PCDH15: variants seen among roughly 807,000 people sequenced by gnomAD.
PCDH15 encodes protocadherin related 15.
A neutral mutation model predicts 178.5 loss-of-function variants in PCDH15; 129 were observed. The observed-to-expected ratio is 0.72, with a 90% CI of 0.63 to 0.84. PCDH15 has a LOEUF of 0.84. PCDH15 is among the 40% of genes least tolerant of loss of function. The pLI is 0.00. For synonymous variants in PCDH15, 800 were observed against 732.0 expected, an observed-to-expected ratio of 1.09 and a Z score of -1.50; for missense variants, 2,230 against 2,099.9, an observed-to-expected ratio of 1.06 and a Z score of -1.21.
At position 55,464,646 on chromosome 10, in the gene PCDH15, ATATATATATG is replaced by A. The variant is rs754765635; in HGVS notation, c.-156+162969_-156+162978del. ...AGTAAATATATATATATATATATAT[ATATATATATG>A]TGTGTGTGTGTGTATATATATACAT... On this transcript the variant is annotated intron_variant, in intron 2 of 5. Coordinates refer to the PCDH15 transcript ENST00000613346. Among the ~76,000 whole-genome samples the A allele has an allele frequency of 8.0e-3, 105 of 13,190 alleles. 1 individual carries two copies. In the African/African-American group the frequency reaches 0.16, roughly 20 times the overall value. The allele number at this position is 13,190 out of a possible 152,430, so 8.7% of individuals were successfully genotyped here.
intron 2 of PCDH15, among the ~76,000 whole-genome samples, chr10:55,607,341 G>T (rs1324219514): frequency 6.7e-6 from 1 of 149,376 alleles, no homozygotes; most frequent in Non-Finnish European, 1.5e-5. Flanking sequence ...TCAGTGTGGC[G>T]ATTCCTCAGG....
intron 2 of PCDH15, among the ~76,000 whole-genome samples, chr10:55,598,551 T>TATAGATAGATAGATAG (rs1554803034): frequency 2.9e-4 from 19 of 64,912 alleles, no homozygotes; most frequent in African/African-American, 1.4e-3. Flanking sequence ...TATATATATA[T>TATAGATAGATAGATAG]ATATATATAT....
intron 2 of PCDH15, among the ~76,000 whole-genome samples, chr10:55,534,147 C>T (rs1161422287): frequency 3.3e-5 from 5 of 151,904 alleles, no homozygotes; most frequent in Non-Finnish European, 5.9e-5. Flanking sequence ...TAGGAAATAC[C>T]CTTCTCAACA....
At chr10:54,978,097 T>C (rs1007020137) in intron 2 of PCDH15, among the ~76,000 whole-genome samples, 3 of 152,174 alleles carry the variant, frequency 2.0e-5, no homozygotes, top group African/African-American at 4.8e-5. Flanking sequence ...TATGAATGTA[T>C]ATTGATGACA....
chr10:54,347,309 A>G (rs1462783272), intron 5 of PCDH15, among the ~76,000 whole-genome samples: 1 of 152,110 alleles, frequency 6.6e-6, no homozygotes, highest in East Asian at 1.9e-4. Flanking sequence ...TTAATTAGAT[A>G]TCAGCTTCTC....
At position 54,167,344 on chromosome 10, in the gene PCDH15, T is replaced by C. The variant is rs2046336760; in HGVS notation, c.1591-14051A>G. ...CCCTCAACCACTTTCTCCTTTCCAC[T>C]CTTCAATCTCTCCCTTCTCTTAATT... is the stretch of plus-strand genomic sequence containing the variant. On this transcript the variant is annotated intron_variant, in intron 13 of 37. Transcript: ENST00000644397. 4.6e-5 allele frequency among the ~76,000 whole-genome samples: 7 copies of C among 152,036 alleles called. No homozygotes were observed. In the South Asian group the frequency reaches 1.5e-3, roughly 32 times the overall value.
At chr10:53,906,910 T>G (rs1289215760) in intron 25 of PCDH15, 1 of 152,032 alleles carries the variant, frequency 6.6e-6, no homozygotes, top group Non-Finnish European at 1.5e-5. Flanking sequence ...TGCTTGCTCC[T>G]TGTCTCGGGA....
rs74136330 is a variant in PCDH15, at chr10:55,037,619, C to G, written c.-80+128957G>C. Among the ~76,000 whole-genome samples, 789 of 152,194 alleles carry G rather than the reference C, an allele frequency of 5.2e-3. 3 individuals carry two copies. The highest frequency in any genetic ancestry group is 0.018 in the African/African-American group (758 of 41,514). On this transcript the variant is annotated intron_variant, in intron 2 of 5. Transcript: ENST00000458638. ...CATATAGCTATTTGACATCATGGAT[C>G]TGAAATTAAGGACAACTAGCTGAAG...
At chr10:54,261,523 A>C (rs4935106) in intron 8 of PCDH15, among the ~76,000 whole-genome samples, 104,211 of 151,928 alleles carry the variant, frequency 0.69, 36,717 homozygotes, top group Middle Eastern at 0.76. Context: ...GTTCATTAGA[A>C]TTTTTGGGTG....
At chr10:54,896,623 T>C (rs978899760) in intron 3 of PCDH15, among the ~76,000 whole-genome samples, 1 of 152,152 alleles carries the variant, frequency 6.6e-6, no homozygotes, top group African/African-American at 2.4e-5. Context: ...CCTTAAGTTT[T>C]CCTAAAATCC....
intron 1 of PCDH15, among the ~76,000 whole-genome samples, chr10:54,720,198 A>G (rs1941347543): frequency 6.6e-6 from 1 of 152,124 alleles, no homozygotes; most frequent in African/African-American, 2.4e-5. Flanking sequence ...TACTGGGTAT[A>G]TACCCAAAGG....
chr10:55,273,553 G>A lies in PCDH15; in HGVS notation c.-156+46046C>T, dbSNP rs1035905207. Among the ~76,000 whole-genome samples the A allele has an allele frequency of 3.9e-5, 6 of 152,068 alleles. No homozygotes were observed. In the South Asian group the frequency reaches 8.3e-4, roughly 21 times the overall value. ...GGTGGGTTGGTGGGCAAGGGGGTGTGTGTGACTGATGTATGTTAACATTTC... is the reference window on the plus strand; with the variant it reads ...GGTGGGTTGGTGGGCAAGGGGGTGTATGTGACTGATGTATGTTAACATTTC... On this transcript the variant is annotated intron_variant, in intron 1 of 5. Transcript: ENST00000458638.
intron 3 of PCDH15, among the ~76,000 whole-genome samples, chr10:54,431,755 G>T (rs181362106): frequency 2.8e-4 from 43 of 152,210 alleles, no homozygotes; most frequent in African/African-American, 9.4e-4. Context: ...GTCCTAGGCA[G>T]AGCAATCAGA....
chr10:54,202,910 A>ACTGTCTGT (rs1305624061), intron 10 of PCDH15, among the ~76,000 whole-genome samples: 1 of 152,080 alleles, frequency 6.6e-6, no homozygotes, highest in African/African-American at 2.4e-5. Context: ...TTTTTATCAA[A>ACTGTCTGT]CTGTCTGTGG....
chr10:54,146,130 A>T (rs988898424), intron 14 of PCDH15, among the ~76,000 whole-genome samples: 5 of 152,050 alleles, frequency 3.3e-5, no homozygotes, highest in Non-Finnish European at 5.9e-5. Flanking sequence ...ATGAATAAAT[A>T]AATAGCCTCA....
intron 2 of PCDH15, among the ~76,000 whole-genome samples, chr10:55,343,908 C>A (rs1844671648): frequency 6.6e-6 from 1 of 152,014 alleles, no homozygotes. Flanking sequence ...TTTAAAATAA[C>A]CACATTTAAT....
intron 1 of PCDH15, among the ~76,000 whole-genome samples, chr10:55,192,989 T>C (rs1480927391): frequency 6.6e-6 from 1 of 150,424 alleles, no homozygotes. Context: ...AAATGGCTTT[T>C]TTTTTTTTTT....
chr10:53,824,487 A>C (rs996468427), intron 32 of PCDH15, among the ~76,000 whole-genome samples: 5 of 152,202 alleles, frequency 3.3e-5, no homozygotes, highest in African/African-American at 1.2e-4. Context: ...GCAACAAAAT[A>C]ATAAAGCCAC....
At chr10:54,402,177 G>A (rs1440763406) in intron 3 of PCDH15, among the ~76,000 whole-genome samples, 6 of 151,648 alleles carry the variant, frequency 4.0e-5, no homozygotes, top group Non-Finnish European at 5.9e-5. Context: ...AAAAGTAAAC[G>A]TGTTCAAGAT....
Sources: allele counts gnomAD v4.1 joint callset (sites outside exome capture counted in the v4.1 genomes callset), GRCh38; gene constraint gnomAD v4.1.1; transcripts MANE v1.5; gene names NCBI Gene and HGNC (gene_info 2026-07-23, HGNC 2026-07-21).